KIF13B: variants seen among roughly 807,000 people sequenced by gnomAD.
KIF13B encodes kinesin-like protein KIF13B.
KIF13B carries 127 observed loss-of-function variants against 222.0 expected under a neutral mutation model. The ratio of observed to expected loss-of-function variants is 0.57; its 90% CI spans 0.50 to 0.66. The LOEUF is 0.66. KIF13B is among the 30% of genes least tolerant of loss of function. KIF13B has a pLI of 0.00. For missense variants in KIF13B, 2,173 were observed against 2,379.0 expected, an observed-to-expected ratio of 0.91 and a Z score of 1.80; for synonymous variants, 976 against 919.0, an observed-to-expected ratio of 1.06 and a Z score of -1.12.
At chr8:29,208,495 G>A (rs1377487829) in intron 2 of KIF13B, among the ~76,000 whole-genome samples, 2 of 152,172 alleles carry the variant, frequency 1.3e-5, no homozygotes, top group Non-Finnish European at 2.9e-5. Flanking sequence ...TTTCTAGGCA[G>A]AGGAGTTATA....
In KIF13B at chr8:29,147,529, C is replaced by T. The variant is rs773852954; in HGVS notation, c.1887G>A (p.Gln629=). 25 of 1,613,822 alleles carry T rather than the reference C, an allele frequency of 1.5e-5. No homozygotes were observed. The highest frequency in any genetic ancestry group is 2.0e-5 in the Non-Finnish European group (24 of 1,179,854). ...EEEKRSALER[Q]RLMYEHELEQ... ...CCAATTCGTGCTCATACATAAGCCT[C>T]TGGCGCTCCAGTGCAGATCGTTTTT... The change falls in exon 17 of 40, where the codon CAG becomes CAA. Residue 629 remains glutamine (Q), a synonymous_variant. Coordinates refer to ENST00000524189, the MANE Select transcript of KIF13B (RefSeq NM_015254.4).
At chr8:29,206,926 G>A (rs1813971158) in intron 2 of KIF13B, among the ~76,000 whole-genome samples, 1 of 152,164 alleles carries the variant, frequency 6.6e-6, no homozygotes, top group South Asian at 2.1e-4. Context: ...TGGTGACCAA[G>A]TGGAAGCAAG....
chr8:29,121,993 G>A (rs1056721565), intron 29 of KIF13B, among the ~76,000 whole-genome samples: 6 of 152,156 alleles, frequency 3.9e-5, no homozygotes, highest in Admixed American at 2.0e-4. Flanking sequence ...AGTGGCTCAC[G>A]CCTGTAATCC....
chr8:29,237,195 C>G (rs182577787), intron 2 of KIF13B, among the ~76,000 whole-genome samples: 1 of 152,036 alleles, frequency 6.6e-6, no homozygotes, highest in Non-Finnish European at 1.5e-5. Context: ...TATACAGCAT[C>G]TGATTTATAT....
At chr8:29,136,758 CAATGAAATGA>C (rs201017417) in intron 21 of KIF13B, among the ~76,000 whole-genome samples, 1 of 149,792 alleles carries the variant, frequency 6.7e-6, no homozygotes, top group Non-Finnish European at 1.5e-5. Flanking sequence ...CTTACCACAC[CAATGAAATGA>C]AATGAAATGA....
At chr8:29,086,586 G>A (rs535348657) in intron 37 of KIF13B, among the ~76,000 whole-genome samples, 50 of 152,262 alleles carry the variant, frequency 3.3e-4, no homozygotes, top group African/African-American at 1.1e-3. Context: ...GGAGACAAAC[G>A]GTTTCAGGAA....
chr8:29,148,211 TTAAAA>T (rs1310770061), intron 16 of KIF13B, among the ~76,000 whole-genome samples: 12 of 152,020 alleles, frequency 7.9e-5, no homozygotes, highest in Admixed American at 3.3e-4. Flanking sequence ...TCACAAAAAA[TTAAAA>T]TAAAATAAAC....
intron 21 of KIF13B, among the ~76,000 whole-genome samples, chr8:29,138,836 C>G (rs1385444803): frequency 1.3e-5 from 2 of 152,194 alleles, no homozygotes; most frequent in Middle Eastern, 3.4e-3. Context: ...ATACCAGGGC[C>G]TAAAGACTGA....
At chr8:29,146,079 GATTA>G (rs1563738911) in intron 18 of KIF13B, 1 of 565,628 alleles carries the variant, frequency 1.8e-6, no homozygotes, top group Non-Finnish European at 3.1e-6. Flanking sequence ...ATTCGGGGAA[GATTA>G]ATCAGAAAAG....
At chr8:29,130,988 A>C (rs985707422) in intron 23 of KIF13B, among the ~76,000 whole-genome samples, 2 of 152,236 alleles carry the variant, frequency 1.3e-5, no homozygotes, top group African/African-American at 4.8e-5. Context: ...GCCATAAAAA[A>C]ATACAACCAA....
At chr8:29,154,614 A>G (rs1811435762) in intron 14 of KIF13B, among the ~76,000 whole-genome samples, 1 of 152,196 alleles carries the variant, frequency 6.6e-6, no homozygotes, top group Non-Finnish European at 1.5e-5. Context: ...GTGAAGAAGT[A>G]GCAGTCACTC....
At chr8:29,080,064 G>A (rs1228508519) in intron 37 of KIF13B, among the ~76,000 whole-genome samples, 1 of 152,142 alleles carries the variant, frequency 6.6e-6, no homozygotes, top group Non-Finnish European at 1.5e-5. Context: ...CAGACACATT[G>A]TGCAGTGGCT....
chr8:29,123,915 C>T lies in KIF13B; in HGVS notation c.3352+109G>A, dbSNP rs1809991195. Reference sequence around the variant, plus strand: ...TAACACTCATCTGCTCCTGCCATCCCCATTACTGATGTGTTCATCTGGTTC... The same window carrying T: ...TAACACTCATCTGCTCCTGCCATCCTCATTACTGATGTGTTCATCTGGTTC... On this transcript the variant is annotated intron_variant, in intron 27 of 39. Transcript: ENST00000524189. 4.4e-6 allele frequency: 3 copies of T among 676,498 alleles called. No individual in the cohort carries two copies. The South Asian group carries it at 5.6e-5, about 13-fold the overall frequency. 41.9% of individuals were successfully genotyped at this position (676,498 alleles called of 1,614,324 possible). A position where few individuals can be genotyped will look rare whatever the true frequency, so the allele number is the denominator to read the frequency against.
intron 37 of KIF13B, among the ~76,000 whole-genome samples, chr8:29,090,250 G>A (rs764798581): frequency 6.6e-6 from 1 of 152,174 alleles, no homozygotes; most frequent in Non-Finnish European, 1.5e-5. Flanking sequence ...GGGAGACACT[G>A]GAAGGTGTCA....
Position 29,188,526 on chromosome 8 carries a change from T to A in KIF13B, c.305A>T (p.Tyr102Phe), listed in dbSNP as rs201506710. 13 of 1,600,262 alleles carry A rather than the reference T, an allele frequency of 8.1e-6. No homozygotes were observed. The highest frequency in any genetic ancestry group is 1.0e-5 in the Non-Finnish European group (12 of 1,168,356). ...FDGYNACIFA[Y>F]GQTGSGKSYT... ...TTATTTAACATTACCAGTCTGTCCA[T>A]AGGCAAAGATACATGCATTGTAGCC... The change falls in exon 5 of 40, where the codon TAT (tyrosine) becomes TTT (phenylalanine). Residue 102 changes from tyrosine (Y) to phenylalanine (F), a missense_variant. Around this residue, in one of 2 missense-constraint regions of KIF13B, gnomAD observed 1,480 missense variants for 1,722.8 expected, o/e 0.86. Coordinates refer to ENST00000524189, the MANE Select transcript of KIF13B (RefSeq NM_015254.4).
In KIF13B at chr8:29,071,657, C is replaced by T. The variant is rs1807281594; in HGVS notation, c.5181G>A (p.Glu1727=). The T allele has an allele frequency of 6.4e-7, 1 of 1,555,438 alleles. No individual in the cohort carries two copies. Among genetic ancestry groups the T allele is most frequent in the Non-Finnish European group, 8.7e-7 (1 of 1,149,996 alleles). ...CGAGCTCCACGCCGACCCACGTGCC[C>T]TCTTGGAAGTCGGCAGGCCCCACGT... ...VRYVGPADFQ[E]GTWVGVELDL... is the part of the protein sequence containing the mutation. The change falls in exon 39 of 40, where the codon GAG becomes GAA. Residue 1727 remains glutamate, a synonymous_variant. Transcript: ENST00000524189. This position sits in a 1 kb window ranked among gnomAD's most constrained non-coding sequence, Gnocchi z 4.9.
At chr8:29,123,280 T>C in intron 28 of KIF13B, 86 bp downstream of exon 28, 1 of 1,484,134 alleles carries the variant, frequency 6.7e-7, no homozygotes, top group Non-Finnish European at 9.1e-7. Context: ...ACTCTTCCAT[T>C]AACCGTAGCA....
chr8:29,188,609 TGAGAGA>T lies in KIF13B; in HGVS notation c.224-8_224-3del. 6.3e-7 allele frequency: 1 copy of T among 1,584,920 alleles called. No individual in the cohort carries two copies. Among genetic ancestry groups the T allele is most frequent in the Non-Finnish European group, 8.6e-7 (1 of 1,158,356 alleles). On this transcript the variant is annotated splice_region_variant and splice_polypyrimidine_tract_variant and intron_variant, in intron 4 of 39. Transcript: ENST00000524189. ...GGCACTTGAAAACAATATCTTGACC[TGAGAGA>T]GAGAGAATAAGAGAAAAGATATTTT...
intron 3 of KIF13B, among the ~76,000 whole-genome samples, chr8:29,195,986 A>C (rs1294420252): frequency 6.6e-6 from 1 of 152,268 alleles, no homozygotes; most frequent in Non-Finnish European, 1.5e-5. Context: ...AAGTGGTCAA[A>C]GTGCAAATAC....
Sources: gnomAD v4.1 joint callset for allele counts (sites outside exome capture counted in the v4.1 genomes callset) on GRCh38, gnomAD v4.1.1 for gene constraint, gnomAD v4.1.1 regional missense constraint, Gnocchi (gnomAD v3.1) non-coding constraint, MANE v1.5 for transcripts, NCBI Gene and HGNC (gene_info 2026-07-23, HGNC 2026-07-21) for gene names.